Variants in MSR1 observed in about 807,000 individuals in gnomAD.
MSR1 encodes the protein macrophage scavenger receptor types I and II.
A neutral mutation model predicts 47.2 loss-of-function variants in MSR1; 53 were observed. The observed-to-expected ratio is 1.12, with a 90% confidence interval of 0.90 to 1.41. The LOEUF (loss-of-function observed/expected upper bound fraction) is 1.41. Ranked by LOEUF, MSR1 falls within the 40% of genes most tolerant of loss-of-function variation. MSR1 has a pLI of 0.00. For missense variants in MSR1, 786 were observed against 546.9 expected (o/e 1.44, Z -4.36); for synonymous variants, 239 against 185.6 (o/e 1.29, Z -2.34).
chr8:16,189,425 TA>T (rs1171540181), intron 1 of MSR1, among the ~76,000 whole-genome samples: 7 of 93,478 alleles, frequency 7.5e-5, no homozygotes, highest in Admixed American at 2.9e-4. Flanking sequence ...TTTATATATA[TA>T]AAATCATATT....
At chr8:16,128,128 A>C (rs1288936927) in intron 8 of MSR1, among the ~76,000 whole-genome samples, 1 of 152,180 alleles carries the variant, frequency 6.6e-6, no homozygotes. Context: ...CTCTTTAAGA[A>C]CAAAGTTACA....
chr8:16,117,116 C>G (rs1799893605), intron 9 of MSR1, among the ~76,000 whole-genome samples: 1 of 152,158 alleles, frequency 6.6e-6, no homozygotes, highest in South Asian at 2.1e-4. Context: ...AGCTGCACAG[C>G]AGGAGGTGAG....
At chr8:16,131,415 C>G (rs1800251698) in intron 8 of MSR1, among the ~76,000 whole-genome samples, 1 of 107,190 alleles carries the variant, frequency 9.3e-6, no homozygotes. Context: ...TTCTCCCATT[C>G]TATGTATCTG....
intron 8 of MSR1, among the ~76,000 whole-genome samples, chr8:16,134,760 G>C (rs1266059778): frequency 2.0e-5 from 3 of 152,116 alleles, no homozygotes; most frequent in Admixed American, 6.5e-5. Context: ...GTAAATGTGA[G>C]AAAAAGTTCT....
chr8:16,138,801 TAGTC>T (rs1373756514), intron 8 of MSR1, among the ~76,000 whole-genome samples: 3 of 152,180 alleles, frequency 2.0e-5, no homozygotes, highest in Non-Finnish European at 4.4e-5. Context: ...AGCCTGCTAA[TAGTC>T]AGGAGTATCT....
rs1162319738 is a variant in MSR1, at chr8:16,139,747, TAAAAAAA to T, written c.1033+3804_1033+3810del. The T allele has an allele frequency of 1.9e-4, 28 of 146,598 alleles. No individual in the cohort carries two copies. In the East Asian group the frequency reaches 3.1e-3, roughly 16 times the overall value. 9.1% of individuals were successfully genotyped at this position (146,598 alleles called of 1,614,324 possible). ...CCAAGCTCGACTACACTTCAAAACT[TAAAAAAA>T]AAAAAAAAAAAAAAAAAAAAATATA... is the stretch of plus-strand genomic sequence containing the variant. On this transcript the variant is annotated intron_variant, in intron 8 of 9. Transcript: ENST00000262101.
chr8:16,173,866 G>T (rs1801561957), intron 3 of MSR1, among the ~76,000 whole-genome samples: 1 of 152,100 alleles, frequency 6.6e-6, no homozygotes, highest in African/African-American at 2.4e-5. Flanking sequence ...AGCCAGGATG[G>T]TCTCGATCTC....
Position 16,188,372 on chromosome 8 carries a change from A to C in MSR1, c.-5+4226T>G, listed in dbSNP as rs145642552. On this transcript the variant is annotated intron_variant, in intron 1 of 9. Coordinates refer to ENST00000262101, the MANE Select transcript of MSR1 (RefSeq NM_138715.3). ...CCCTTAATTTTTTAAATGAAACTCG[A>C]GTCTTTGGATGTATGTATACCTGTA... 6.3e-3 allele frequency among the ~76,000 whole-genome samples: 961 copies of C among 152,150 alleles called. 11 individuals carry two copies. The highest frequency in any genetic ancestry group is 0.018 in the African/African-American group (757 of 41,514).
intron 8 of MSR1, among the ~76,000 whole-genome samples, chr8:16,130,588 T>A (rs1800232890): frequency 6.6e-6 from 1 of 152,064 alleles, no homozygotes; most frequent in Admixed American, 6.6e-5. Context: ...GTCTTCGAGG[T>A]AATAAGCATA....
intron 2 of MSR1, among the ~76,000 whole-genome samples, chr8:16,175,768 T>C (rs566326534): frequency 6.6e-6 from 1 of 152,342 alleles, no homozygotes; most frequent in Admixed American, 6.5e-5. Flanking sequence ...TCTTGTTCAA[T>C]TCCTTCTCAA....
intron 1 of MSR1, among the ~76,000 whole-genome samples, chr8:16,183,492 A>G (rs757119382): frequency 6.8e-6 from 1 of 147,792 alleles, no homozygotes; most frequent in Non-Finnish European, 1.5e-5. Context: ...ATAACTATAT[A>G]GATATAAATA....
chr8:16,118,477 C>T (rs1480783286), intron 9 of MSR1, among the ~76,000 whole-genome samples: 1 of 152,110 alleles, frequency 6.6e-6, no homozygotes, highest in Non-Finnish European at 1.5e-5. Flanking sequence ...GTGGCTCACA[C>T]CTGTAATCCC....
chr8:16,120,706 G>C (rs1799984601), intron 8 of MSR1, 100 bp from the exon 9 acceptor site: 5 of 1,352,992 alleles, frequency 3.7e-6, no homozygotes, highest in Non-Finnish European at 3.9e-6. Context: ...ACAAAAAAAT[G>C]TTTAGCACAT....
At chr8:16,186,496 G>A (rs144830273) in intron 1 of MSR1, among the ~76,000 whole-genome samples, 153 of 152,070 alleles carry the variant, frequency 1.0e-3, no homozygotes, top group African/African-American at 3.4e-3. Context: ...TCTTTTCCTC[G>A]CCTTTTCTCA....
At chr8:16,122,042 A>G (rs2117065575) in intron 8 of MSR1, among the ~76,000 whole-genome samples, 1 of 152,218 alleles carries the variant, frequency 6.6e-6, no homozygotes, top group Non-Finnish European at 1.5e-5. Context: ...ATGCAGAAAC[A>G]TAAAAGGTGG....
intron 7 of MSR1, among the ~76,000 whole-genome samples, chr8:16,144,439 G>A (rs530022768): frequency 6.6e-6 from 1 of 152,156 alleles, no homozygotes; most frequent in Non-Finnish European, 1.5e-5. Flanking sequence ...AGTGCTCTCT[G>A]TCTCAAAGTC....
At chr8:16,171,423 T>C (rs1354587824) in intron 3 of MSR1, among the ~76,000 whole-genome samples, 2 of 152,138 alleles carry the variant, frequency 1.3e-5, no homozygotes, top group East Asian at 3.9e-4. Context: ...TTTGATGTGA[T>C]CTACAATAGA....
chr8:16,189,416 T>A lies in MSR1; in HGVS notation c.-5+3182A>T, dbSNP rs1333094274. 3.3e-5 allele frequency among the ~76,000 whole-genome samples: 3 copies of A among 91,566 alleles called. 1 individual carries two copies. The highest frequency in any genetic ancestry group is 1.7e-4 in the African/African-American group (3 of 18,132). The allele number at this position is 91,566 out of a possible 152,430, so 60.1% of individuals were successfully genotyped here. On this transcript the variant is annotated intron_variant, in intron 1 of 9. Transcript: ENST00000262101. ...ATTTTATATATATTTTATATATATT[T>A]TATATATATAAAATCATATTTTATA...
chr8:16,162,506 G>A (rs536250199), intron 5 of MSR1, among the ~76,000 whole-genome samples: 16 of 152,078 alleles, frequency 1.1e-4, no homozygotes, highest in Non-Finnish European at 1.8e-4. Flanking sequence ...GTGGGTGAGC[G>A]ATGACTATCT....
Sources: gnomAD v4.1 joint callset for allele counts (sites outside exome capture counted in the v4.1 genomes callset) on GRCh38, gnomAD v4.1.1 for gene constraint, MANE v1.5 for transcripts, NCBI Gene and HGNC (gene_info 2026-07-23, HGNC 2026-07-21) for gene names.